Variants in C1orf87 observed in about 807,000 individuals in gnomAD.
The protein encoded by C1orf87 is uncharacterized protein C1orf87.
In C1orf87, 58 loss-of-function variants were observed where a neutral mutation model predicts 60.5. The observed-to-expected ratio is 0.96, with a 90% CI of 0.78 to 1.19. The LOEUF is 1.19. Among genes scored for constraint, C1orf87 ranks in the 50% most tolerant of loss-of-function variants. The pLI is 0.00. For missense variants in C1orf87, 673 were observed against 638.6 expected, an observed-to-expected ratio of 1.05 and a Z score of -0.58; for synonymous variants, 236 against 227.4, an observed-to-expected ratio of 1.04 and a Z score of -0.34.
rs1645334796 is a variant in C1orf87, at chr1:60,042,673, G to A, written c.343-1542C>T. 2.6e-5 allele frequency among the ~76,000 whole-genome samples: 4 copies of A among 152,126 alleles called. No homozygotes were observed. The South Asian group carries it at 8.3e-4, about 32-fold the overall frequency. On this transcript the variant is annotated intron_variant, in intron 3 of 11. Transcript: ENST00000371201. ...TTTAAATCCTTACACAACAATACAA[G>A]GTAGGTAGTACTAGCAACCTTTTAC...
chr1:60,003,330 G>A (rs1393816865), intron 9 of C1orf87, among the ~76,000 whole-genome samples: 1 of 118,264 alleles, frequency 8.5e-6, no homozygotes, highest in Non-Finnish European at 1.7e-5. Context: ...GTGGGGTGGG[G>A]GGAGGGGGGA....
chr1:60,000,460 G>A (rs1341087745), intron 10 of C1orf87, among the ~76,000 whole-genome samples: 2 of 152,096 alleles, frequency 1.3e-5, no homozygotes, highest in Non-Finnish European at 2.9e-5. Flanking sequence ...TGAAGTGCAT[G>A]AGGAGGCCTC....
In C1orf87 at chr1:59,992,974, G is replaced by A. The variant is rs1644935461; in HGVS notation, c.1481-2141C>T. ...CCAATTGCATCTTCGAAGTTTTCTGGATAGGATGGCTGCTCTCAGTCCTGT... is the reference window on the plus strand; with the variant it reads ...CCAATTGCATCTTCGAAGTTTTCTGAATAGGATGGCTGCTCTCAGTCCTGT... On this transcript the variant is annotated intron_variant, in intron 11 of 11. Coordinates refer to ENST00000371201, the MANE Select transcript of C1orf87 (RefSeq NM_152377.3). 2.0e-5 allele frequency among the ~76,000 whole-genome samples: 3 copies of A among 152,234 alleles called. No homozygotes were observed. The South Asian group carries it at 6.2e-4, about 32-fold the overall frequency.
chr1:60,007,768 T>G (rs1330923545), intron 9 of C1orf87, among the ~76,000 whole-genome samples: 2 of 152,056 alleles, frequency 1.3e-5, no homozygotes, highest in Non-Finnish European at 2.9e-5. Flanking sequence ...GAAAATTATA[T>G]GTACATTGAA....
intron 2 of C1orf87, among the ~76,000 whole-genome samples, chr1:60,070,543 T>G (rs1305486228): frequency 6.6e-6 from 1 of 152,106 alleles, no homozygotes; most frequent in African/African-American, 2.4e-5. Flanking sequence ...CAAGAAGCAT[T>G]TAAGAATTAT....
chr1:60,011,708 T>A (rs1231524630), intron 8 of C1orf87, among the ~76,000 whole-genome samples: 1 of 152,120 alleles, frequency 6.6e-6, no homozygotes, highest in Non-Finnish European at 1.5e-5. Flanking sequence ...TAAAGAAAAG[T>A]TCTAATGTCA....
intron 7 of C1orf87, among the ~76,000 whole-genome samples, chr1:60,030,800 T>C (rs1384361163): frequency 2.0e-5 from 3 of 152,236 alleles, no homozygotes; most frequent in Non-Finnish European, 2.9e-5. Context: ...GAAACCATCA[T>C]TGCATTGAAG....
At chr1:60,015,818 C>A (rs530143416) in intron 8 of C1orf87, among the ~76,000 whole-genome samples, 1 of 152,196 alleles carries the variant, frequency 6.6e-6, no homozygotes, top group Admixed American at 6.5e-5. Flanking sequence ...GTGGCACGAT[C>A]TCAGCTCACT....
intron 2 of C1orf87, among the ~76,000 whole-genome samples, chr1:60,070,511 G>A (rs913060102): frequency 1.1e-4 from 16 of 152,034 alleles, no homozygotes; most frequent in African/African-American, 2.9e-4. Flanking sequence ...TGATAGTGGC[G>A]GCACTTTCCT....
chr1:60,015,748 C>T (rs1645120401), intron 8 of C1orf87, among the ~76,000 whole-genome samples: 1 of 152,104 alleles, frequency 6.6e-6, no homozygotes, highest in African/African-American at 2.4e-5. Flanking sequence ...TCAGTTATCA[C>T]TTCTTTATTT....
chr1:60,055,208 C>T lies in C1orf87; in HGVS notation c.338G>A (p.Gly113Asp). Residue 113 changes from glycine (G) to aspartate (D), a missense_variant, in exon 3 of 12, where the codon GGC (glycine) becomes GAC (aspartate). Coordinates refer to ENST00000371201, the MANE Select transcript of C1orf87 (RefSeq NM_152377.3). Reference sequence around the variant, plus strand: ...TGGGTATTTTTTGTCACTCACATTGCCATCCAGGAATCTGCTACTGTTTGC... The same window carrying T: ...TGGGTATTTTTTGTCACTCACATTGTCATCCAGGAATCTGCTACTGTTTGC... ...TGANSSRFLDGNIPSQANVHC... is the reference protein window; with the variant it reads ...TGANSSRFLDDNIPSQANVHC... 1 of 1,610,726 alleles carries T rather than the reference C, an allele frequency of 6.2e-7. No individual in the cohort carries two copies. The highest frequency in any genetic ancestry group is 8.5e-7 in the Non-Finnish European group (1 of 1,177,126).
chr1:60,061,802 AT>A lies in C1orf87; in HGVS notation c.108-6365del, dbSNP rs760421822. On this transcript the variant is annotated intron_variant, in intron 2 of 11. Transcript: ENST00000371201. The stretch of plus-strand genomic sequence containing the variant: ...AAAAAAAAAAAAAAAAAAAAAAAAA[AT>A]AGCTGGGCTTTGTGGTGCACACCTG... Among the ~76,000 whole-genome samples, 59 of 149,576 alleles carry A rather than the reference AT, an allele frequency of 3.9e-4. 5 individuals carry two copies. In the South Asian group the frequency reaches 5.8e-3, roughly 15 times the overall value.
At chr1:60,035,034 G>A (rs1045850570) in intron 6 of C1orf87, among the ~76,000 whole-genome samples, 1 of 152,028 alleles carries the variant, frequency 6.6e-6, no homozygotes, top group African/African-American at 2.4e-5. Context: ...GTACAGAGAA[G>A]GAATAGTGGG....
At chr1:60,015,940 AG>A (rs1186310680) in intron 8 of C1orf87, among the ~76,000 whole-genome samples, 3 of 152,082 alleles carry the variant, frequency 2.0e-5, no homozygotes, top group Non-Finnish European at 4.4e-5. Context: ...TAGTAGAGGC[AG>A]GGTTTTCCCA....
At chr1:60,046,292 C>T (rs879102490) in intron 3 of C1orf87, among the ~76,000 whole-genome samples, 1 of 136,906 alleles carries the variant, frequency 7.3e-6, no homozygotes, top group South Asian at 2.6e-4. Context: ...CTTTCTTTCT[C>T]TCTCTCTCTC....
intron 2 of C1orf87, among the ~76,000 whole-genome samples, chr1:60,068,994 G>C (rs1197055172): frequency 1.3e-5 from 2 of 152,126 alleles, no homozygotes; most frequent in Non-Finnish European, 2.9e-5. Flanking sequence ...TGGCAGCCAT[G>C]TCACTCTAAT....
At chr1:60,029,935 G>T (rs72641119) in intron 7 of C1orf87, among the ~76,000 whole-genome samples, 1 of 151,802 alleles carries the variant, frequency 6.6e-6, no homozygotes, top group South Asian at 2.1e-4. Flanking sequence ...CACCATGCCC[G>T]GTCCCCCTGT....
intron 8 of C1orf87, among the ~76,000 whole-genome samples, chr1:60,018,395 A>G (rs563184144): frequency 2.8e-4 from 43 of 152,334 alleles, no homozygotes; most frequent in African/African-American, 1.0e-3. Flanking sequence ...TGCTTCTCTG[A>G]TCTGCACAAA....
intron 11 of C1orf87, 77 bp from the exon 12 acceptor site, chr1:59,990,910 A>G: frequency 7.1e-7 from 1 of 1,415,418 alleles, no homozygotes; most frequent in Non-Finnish European, 9.7e-7. Context: ...TATTAGCTTG[A>G]ATGACTTCCA....
Sources: gnomAD v4.1 joint callset for allele counts (sites outside exome capture counted in the v4.1 genomes callset) on GRCh38, gnomAD v4.1.1 for gene constraint, MANE v1.5 for transcripts, NCBI Gene and HGNC (gene_info 2026-07-23, HGNC 2026-07-21) for gene names.